The following TRPM3 variants were observed in gnomAD, a reference collection of about 807,000 sequenced individuals.
TRPM3 encodes long transient receptor potential channel 3.
Under a neutral mutation model 181.2 loss-of-function variants are expected in TRPM3, and 77 were observed. The observed-to-expected ratio is 0.42, with a 90% CI of 0.35 to 0.51. The LOEUF is 0.51. Ranked by LOEUF, TRPM3 falls within the 20% of genes least tolerant of loss-of-function variation. TRPM3 has a pLI of 0.01. For missense variants in TRPM3, 1,759 were observed against 2,196.7 expected (o/e 0.80, Z 3.98); for synonymous variants, 745 against 796.4 (o/e 0.94, Z 1.09).
chr9:71,281,242 A>G (rs917712213), intron 1 of TRPM3, among the ~76,000 whole-genome samples: 1 of 152,178 alleles, frequency 6.6e-6, no homozygotes, highest in Non-Finnish European at 1.5e-5. Context: ...TGAGAAAACA[A>G]CAGCAATTCA....
At chr9:71,017,735 T>C (rs2097795985) in intron 1 of TRPM3, among the ~76,000 whole-genome samples, 1 of 151,766 alleles carries the variant, frequency 6.6e-6, no homozygotes, top group Admixed American at 6.6e-5. Context: ...AGAAATTCCA[T>C]AATAATCATC....
In TRPM3 at chr9:71,293,533, G is replaced by A. The variant is rs560818866; in HGVS notation, c.183+153120C>T. Among the ~76,000 whole-genome samples, 21 of 151,588 alleles carry A rather than the reference G, an allele frequency of 1.4e-4. No individual in the cohort carries two copies. The East Asian group carries it at 3.5e-3, about 25-fold the overall frequency. On this transcript the variant is annotated intron_variant, in intron 1 of 24. Transcript: ENST00000357533. Reference sequence around the variant, plus strand: ...ATATTAAGATGTGCAAATCCTTTACGTAGAAAGTTCAAAATTTTATTGAAA... The same window carrying A: ...ATATTAAGATGTGCAAATCCTTTACATAGAAAGTTCAAAATTTTATTGAAA...
chr9:70,692,648 C>T (rs1178857743), intron 8 of TRPM3, among the ~76,000 whole-genome samples: 1 of 152,200 alleles, frequency 6.6e-6, no homozygotes, highest in Non-Finnish European at 1.5e-5. Context: ...AGCTCTTATT[C>T]CTCTCTATTT....
At chr9:70,819,682 C>A (rs2093002558) in intron 6 of TRPM3, among the ~76,000 whole-genome samples, 1 of 152,178 alleles carries the variant, frequency 6.6e-6, no homozygotes, top group African/African-American at 2.4e-5. Context: ...GTAAGGTCTG[C>A]CATGGGGAAA....
At chr9:71,122,149 C>T (rs2073721253), upstream of TRPM3, among the ~76,000 whole-genome samples, 1 of 152,130 alleles carries the variant, frequency 6.6e-6, no homozygotes, top group African/African-American at 2.4e-5. Flanking sequence ...CCACTTGATA[C>T]CGCTTCTCTG....
intron 1 of TRPM3, among the ~76,000 whole-genome samples, chr9:71,151,489 T>A (rs546552940): frequency 6.6e-6 from 1 of 152,194 alleles, no homozygotes; most frequent in East Asian, 1.9e-4. Flanking sequence ...GAATTGTGTA[T>A]CTTCTTGCAC....
Position 70,682,454 on chromosome 9 carries a change from C to T in TRPM3, c.1273-876G>A, listed in dbSNP as rs1236512950. Among the ~76,000 whole-genome samples the T allele has an allele frequency of 1.3e-5, 2 of 152,074 alleles. 1 individual carries two copies. Among genetic ancestry groups the T allele is most frequent in the Non-Finnish European group, 2.9e-5 (2 of 68,010 alleles). Reference sequence around the variant, plus strand: ...ACCCATTTAATAGAGTAGAGGATAACTTCAAGCAGAGTAAGTGGGTAAAGT... The same window carrying T: ...ACCCATTTAATAGAGTAGAGGATAATTTCAAGCAGAGTAAGTGGGTAAAGT... On this transcript the variant is annotated intron_variant, in intron 8 of 25. Transcript: ENST00000677713.
intron 1 of TRPM3, among the ~76,000 whole-genome samples, chr9:71,365,755 T>C (rs2092314715): frequency 6.6e-6 from 1 of 152,190 alleles, no homozygotes; most frequent in African/African-American, 2.4e-5. Context: ...GATCATTATT[T>C]AACTTCTAAG....
rs143611679 is a variant in TRPM3, at chr9:71,184,656, C to T, written c.183+261997G>A. Among the ~76,000 whole-genome samples the T allele has an allele frequency of 3.3e-5, 5 of 152,208 alleles. No homozygotes were observed. The East Asian group carries it at 7.7e-4, about 24-fold the overall frequency. On this transcript the variant is annotated intron_variant, in intron 1 of 24. Transcript: ENST00000357533. ...CTAGAACTAGCCTTTGGCAACATTA[C>T]GAAGGAGGCAAAACATTCTCATGAG...
intron 22 of TRPM3, among the ~76,000 whole-genome samples, chr9:70,557,775 G>A (rs2048084025): frequency 6.6e-6 from 1 of 152,152 alleles, no homozygotes; most frequent in Non-Finnish European, 1.5e-5. Flanking sequence ...TTTTCTCTCA[G>A]TCCTTTTGCA....
intron 1 of TRPM3, among the ~76,000 whole-genome samples, chr9:71,372,522 T>C (rs1467273300): frequency 6.6e-6 from 1 of 152,176 alleles, no homozygotes; most frequent in Non-Finnish European, 1.5e-5. Flanking sequence ...TTGTTGTTGT[T>C]GTTACTTTTT....
intron 1 of TRPM3, among the ~76,000 whole-genome samples, chr9:71,032,077 TTATATATATATA>T (rs1318289028): frequency 0.014 from 135 of 9,694 alleles, 27 homozygotes; most frequent in East Asian, 0.062. Context: ...TTATATTATA[TTATATATATATA>T]ATTATATAAT....
chr9:71,160,227 C>T (rs562004998), intron 1 of TRPM3, among the ~76,000 whole-genome samples: 1 of 152,118 alleles, frequency 6.6e-6, no homozygotes, highest in Non-Finnish European at 1.5e-5. Context: ...AATATCACTT[C>T]AATTCTCAAT....
chr9:71,427,796 T>C (rs1344576568), intron 1 of TRPM3, among the ~76,000 whole-genome samples: 2 of 152,194 alleles, frequency 1.3e-5, no homozygotes, highest in East Asian at 3.9e-4. Context: ...AAAAACTACC[T>C]CCTGAGTACT....
chr9:70,639,261 A>T, intron 10 of TRPM3, 67 bp from the exon 11 acceptor site: 1 of 1,564,318 alleles, frequency 6.4e-7, no homozygotes, highest in Admixed American at 1.8e-5. Flanking sequence ...TTTAGTGTTC[A>T]CTTGAACAGC....
chr9:71,232,491 C>CCT (rs2081115790), intron 1 of TRPM3, among the ~76,000 whole-genome samples: 1 of 59,126 alleles, frequency 1.7e-5, no homozygotes, highest in East Asian at 4.7e-4. Context: ...AATTCAGTGT[C>CCT]TTTTTTTTTT....
chr9:70,757,462 G>C (rs143668156), intron 8 of TRPM3, among the ~76,000 whole-genome samples: 172 of 152,278 alleles, frequency 1.1e-3, no homozygotes, highest in Middle Eastern at 3.4e-3. Flanking sequence ...GAAAAAGAGG[G>C]ACTCCTCTAT....
At chr9:71,353,987 A>G (rs1441934587) in intron 1 of TRPM3, among the ~76,000 whole-genome samples, 2 of 152,014 alleles carry the variant, frequency 1.3e-5, no homozygotes, top group Non-Finnish European at 2.9e-5. Flanking sequence ...CAATCTTTCT[A>G]TTCCATCTCA....
At chr9:70,879,875 T>G (rs576400767) in intron 1 of TRPM3, among the ~76,000 whole-genome samples, 2 of 152,286 alleles carry the variant, frequency 1.3e-5, no homozygotes, top group South Asian at 4.1e-4. Context: ...GAATCACATG[T>G]GCAATTCATG....
Sources: gnomAD v4.1 joint callset for allele counts (sites outside exome capture counted in the v4.1 genomes callset) on GRCh38, gnomAD v4.1.1 for gene constraint, MANE v1.5 for transcripts, NCBI Gene and HGNC (gene_info 2026-07-23, HGNC 2026-07-21) for gene names.